Variants in POSTN observed in about 807,000 individuals in gnomAD.
POSTN encodes the protein periostin.
Under a neutral mutation model 104.5 loss-of-function variants are expected in POSTN, and 71 were observed. The ratio of observed to expected loss-of-function variants is 0.68; its 90% CI spans 0.56 to 0.83. The LOEUF (loss-of-function observed/expected upper bound fraction) is 0.83. Ranked by LOEUF, POSTN falls within the 40% of genes least tolerant of loss-of-function variation. The pLI is 0.00. For missense variants in POSTN, 949 were observed against 1,006.8 expected (o/e 0.94, Z 0.78); for synonymous variants, 355 against 340.7 (o/e 1.04, Z -0.46).
At chr13:37,587,581 T>C (rs999719432) in intron 5 of POSTN, among the ~76,000 whole-genome samples, 5 of 152,212 alleles carry the variant, frequency 3.3e-5, no homozygotes, top group African/African-American at 1.2e-4. Context: ...TTTCCTTTTC[T>C]AGAATACCTG....
At position 37,579,076 on chromosome 13, in the gene POSTN, C is replaced by A. The variant is rs761746199; in HGVS notation, c.1837G>T (p.Asp613Tyr). The A allele has an allele frequency of 6.2e-7, 1 of 1,613,252 alleles. No homozygotes were observed. Among genetic ancestry groups the A allele is most frequent in the South Asian group, 1.1e-5 (1 of 91,018 alleles). The stretch of plus-strand genomic sequence containing the variant: ...ATTACACCATTTGTTGTCATGATGT[C>A]AGATTCTTTTGATTTCAATTCATTC... ...LVNELKSKES[D>Y]IMTTNGVIHV... The change falls in exon 14 of 23, where the codon GAC (aspartate) becomes TAC (tyrosine). Residue 613 changes from aspartate (D) to tyrosine (Y), a missense_variant. Physicochemically the swap from Asp to Tyr is radical, Grantham distance 160 (BLOSUM62 -3). Coordinates refer to ENST00000379747, the MANE Select transcript of POSTN (RefSeq NM_006475.3).
intron 11 of POSTN, among the ~76,000 whole-genome samples, chr13:37,580,241 A>C (rs1950539574): frequency 6.6e-6 from 1 of 151,662 alleles, no homozygotes; most frequent in African/African-American, 2.4e-5. Context: ...CACACATAAC[A>C]AAAAAGAAGC....
Position 37,579,065 on chromosome 13 carries a change from T to G in POSTN, c.1848A>C (p.Thr616=). The G allele has an allele frequency of 5.6e-6, 9 of 1,613,440 alleles. No individual in the cohort carries two copies. Among genetic ancestry groups the G allele is most frequent in the Non-Finnish European group, 7.6e-6 (9 of 1,179,666 alleles). Residue 616 remains threonine, a synonymous_variant, in exon 14 of 23, where the codon ACA becomes ACC. Coordinates refer to ENST00000379747, the MANE Select transcript of POSTN (RefSeq NM_006475.3). ...ELKSKESDIM[T]TNGVIHVVDK... is the part of the protein sequence containing the mutation. ...CTACAACATGAATTACACCATTTGTTGTCATGATGTCAGATTCTTTTGATT... is the reference window on the plus strand; with the variant it reads ...CTACAACATGAATTACACCATTTGTGGTCATGATGTCAGATTCTTTTGATT...
rs193049256 is a variant in POSTN at position 37,579,880 on chromosome 13, T to C, written c.1641A>G (p.Glu547=). 1.9e-6 allele frequency: 3 copies of C among 1,610,448 alleles called. No individual in the cohort carries two copies. The East Asian group carries it at 6.7e-5, about 36-fold the overall frequency. ...TNDAFKGMTS[E]EKEILIRDKN... ...ACTTACGTATCAGAATTTCTTTTTCTTCACTAGTCATTCCCTTAAAAGCAT... is the reference window on the plus strand; with the variant it reads ...ACTTACGTATCAGAATTTCTTTTTCCTCACTAGTCATTCCCTTAAAAGCAT... Residue 547 remains glutamate (E), a synonymous_variant, in exon 12 of 23, where the codon GAA becomes GAG. Coordinates refer to ENST00000379747, the MANE Select transcript of POSTN (RefSeq NM_006475.3).
rs1347254697 is a variant in POSTN at position 37,569,172 on chromosome 13, CA to C, written c.2431+127del. On this transcript the variant is annotated intron_variant, in intron 21 of 22. Transcript: ENST00000379747. Reference sequence around the variant, plus strand: ...CATTGAACCAATCCATCTATTAAGACAACAGTGGATGTTGTCTTTTTTTTTT... The same window carrying C: ...CATTGAACCAATCCATCTATTAAGACACAGTGGATGTTGTCTTTTTTTTTT... 36 of 621,746 alleles carry C rather than the reference CA, an allele frequency of 5.8e-5. 1 individual carries two copies. The African/African-American group carries it at 6.9e-4, about 12-fold the overall frequency. 38.5% of individuals were successfully genotyped at this position (621,746 alleles called of 1,614,324 possible).
rs2138338790 is a variant in POSTN at position 37,587,861 on chromosome 13, A to G, written c.567T>C (p.Tyr189=). Residue 189 remains tyrosine (Y), a synonymous_variant, in exon 5 of 23, where the codon TAT becomes TAC. Coordinates refer to ENST00000379747, the MANE Select transcript of POSTN (RefSeq NM_006475.3). ...GGTTAATGAAAAGCCCCAAATTGTTATACATTGAAGGAATAATCATGCCAT... is the reference window on the plus strand; with the variant it reads ...GGTTAATGAAAAGCCCCAAATTGTTGTACATTGAAGGAATAATCATGCCAT... The part of the protein sequence containing the change: ...LKNGMIIPSM[Y]NNLGLFINHY... 6.2e-7 allele frequency: 1 copy of G among 1,605,286 alleles called. No homozygotes were observed. Among genetic ancestry groups the G allele is most frequent in the Admixed American group, 1.7e-5 (1 of 59,676 alleles).
intron 18 of POSTN, chr13:37,571,099 C>T (rs926726387): frequency 1.7e-5 from 6 of 351,246 alleles, no homozygotes; most frequent in African/African-American, 8.5e-5. Context: ...AATTTTATTC[C>T]ACAATCCTCA....
chr13:37,593,649 T>C (rs895314408), intron 2 of POSTN, among the ~76,000 whole-genome samples: 4 of 151,504 alleles, frequency 2.6e-5, no homozygotes, highest in Non-Finnish European at 5.9e-5. Flanking sequence ...CCAGTTGTCT[T>C]AATTGTATTC....
At chr13:37,575,927 G>A (rs770435034) in intron 16 of POSTN, among the ~76,000 whole-genome samples, 1 of 152,042 alleles carries the variant, frequency 6.6e-6, no homozygotes, top group Non-Finnish European at 1.5e-5. Flanking sequence ...GAATACACAG[G>A]GCTCTCTATT....
At chr13:37,594,234 C>T (rs1370156359) in intron 2 of POSTN, among the ~76,000 whole-genome samples, 1 of 151,860 alleles carries the variant, frequency 6.6e-6, no homozygotes, top group Non-Finnish European at 1.5e-5. Context: ...GTGCTTAGTC[C>T]ATAGATTGAT....
intron 22 of POSTN, among the ~76,000 whole-genome samples, chr13:37,563,636 T>A (rs1348305611): frequency 1.3e-5 from 2 of 152,240 alleles, no homozygotes; most frequent in South Asian, 2.1e-4. Flanking sequence ...TACTGACACA[T>A]TCTTTAGTTA....
intron 21 of POSTN, among the ~76,000 whole-genome samples, chr13:37,566,187 T>C (rs931207495): frequency 1.3e-5 from 2 of 152,192 alleles, no homozygotes; most frequent in Non-Finnish European, 2.9e-5. Context: ...TATGTCAACA[T>C]GAATGAGAGT....
chr13:37,581,604 T>TC (rs558893721), intron 10 of POSTN, among the ~76,000 whole-genome samples: 114 of 152,128 alleles, frequency 7.5e-4, no homozygotes, highest in African/African-American at 2.7e-3. Flanking sequence ...GCACCTATAG[T>TC]CCTAGCTACT....
rs1272110064 is a variant in POSTN, at chr13:37,579,017, A to G, written c.1894+2T>C. 5 of 1,611,976 alleles carry G rather than the reference A, an allele frequency of 3.1e-6. No individual in the cohort carries two copies. Among genetic ancestry groups the G allele is most frequent in the Non-Finnish European group, 4.2e-6 (5 of 1,179,266 alleles). On this transcript the variant is annotated splice_donor_variant, in intron 14 of 22. Transcript: ENST00000379747. LOFTEE classifies it high-confidence loss of function. ...CTATCAATGAGTTCAATAATTACAA[A>G]CCTGCTGGATAGAGGAGTTTATCTA...
Position 37,583,987 on chromosome 13 carries a change from C to T in POSTN, c.1225G>A (p.Val409Met). 3 of 1,613,736 alleles carry T rather than the reference C, an allele frequency of 1.9e-6. No individual in the cohort carries two copies. Among genetic ancestry groups the T allele is most frequent in the Non-Finnish European group, 2.5e-6 (3 of 1,179,822 alleles). Residue 409 changes from valine (V) to methionine (M), a missense_variant, in exon 9 of 23, where the codon GTG (valine) becomes ATG (methionine). Val to Met is a conservative substitution (Grantham distance 21). Transcript: ENST00000379747. ...PDGEYTLLAP[V>M]NNAFSDDTLS... is the part of the protein sequence containing the mutation. ...CACATACCAGAAAATGCATTATTCA[C>T]AGGTGCCAGCAAAGTGTATTCTCCA...
rs1454869809 is a variant in POSTN, at chr13:37,569,345, C to T, written c.2386G>A (p.Gly796Ser). The change falls in exon 21 of 23, where the codon GGT becomes AGT. Residue 796 changes from glycine (G) to serine (S), a missense_variant. By Grantham distance (56) the Gly-to-Ser change is moderately conservative (BLOSUM62 0). Coordinates refer to ENST00000379747, the MANE Select transcript of POSTN (RefSeq NM_006475.3). ...KVTKFIEGGDGHLFEDEEIKR... is the reference protein window; with the variant it reads ...KVTKFIEGGDSHLFEDEEIKR... The stretch of plus-strand genomic sequence containing the variant: ...ATTTCTTCATCTTCAAATAAATGAC[C>T]ATCACCACCTTCAATGAATTTGGTG... The T allele has an allele frequency of 1.2e-6, 2 of 1,612,788 alleles. No individual in the cohort carries two copies. Among genetic ancestry groups the T allele is most frequent in the East Asian group, 2.2e-5 (1 of 44,782 alleles).
intron 17 of POSTN, among the ~76,000 whole-genome samples, chr13:37,572,489 G>A (rs1028029759): frequency 1.3e-5 from 2 of 151,506 alleles, no homozygotes; most frequent in Admixed American, 6.6e-5. Flanking sequence ...CAAAAGAAAG[G>A]ACGCCTAAGG....
intron 8 of POSTN, 29 bp downstream of exon 8, chr13:37,584,687 C>T: frequency 6.4e-7 from 1 of 1,574,006 alleles, no homozygotes; most frequent in South Asian, 1.1e-5. Flanking sequence ...AGTAAAAAAA[C>T]AAAAACAAAA....
chr13:37,564,335 T>G (rs1297087831), intron 22 of POSTN, among the ~76,000 whole-genome samples, 184 bp downstream of exon 22: 1 of 150,604 alleles, frequency 6.6e-6, no homozygotes, highest in Non-Finnish European at 1.5e-5. Context: ...ATTCTGATAG[T>G]ATAGAACATG....
Sources: gnomAD v4.1 joint callset for allele counts (sites outside exome capture counted in the v4.1 genomes callset) on GRCh38, gnomAD v4.1.1 for gene constraint, MANE v1.5 for transcripts, NCBI Gene and HGNC (gene_info 2026-07-23, HGNC 2026-07-21) for gene names.